The following ABCA4 variants were observed in gnomAD, a reference collection of about 807,000 sequenced individuals.
ABCA4 encodes the protein ATP binding cassette subfamily A member 4.
A neutral mutation model predicts 263.7 loss-of-function variants in ABCA4; 196 were observed. The ratio of observed to expected loss-of-function variants is 0.74; its 90% CI spans 0.66 to 0.84. The LOEUF is 0.84. Among genes scored for constraint, ABCA4 ranks in the 40% least tolerant of loss-of-function variants. The pLI is 0.00. For synonymous variants in ABCA4, 1,133 were observed against 1,094.2 expected (o/e 1.04, Z -0.70); for missense variants, 2,792 against 2,855.1 (o/e 0.98, Z 0.50).
At chr1:94,105,010 C>A (rs932154862) in intron 4 of ABCA4, among the ~76,000 whole-genome samples, 1 of 152,156 alleles carries the variant, frequency 6.6e-6, no homozygotes, top group Middle Eastern at 3.2e-3. Context: ...CGCACACATG[C>A]ACACGCACGC....
At chr1:94,020,560 C>T (rs1318271843) in intron 35 of ABCA4, among the ~76,000 whole-genome samples, 1 of 152,152 alleles carries the variant, frequency 6.6e-6, no homozygotes, top group Non-Finnish European at 1.5e-5. Context: ...CAGTCTAGGG[C>T]CCTAGGGTGT....
intron 1 of ABCA4, among the ~76,000 whole-genome samples, chr1:94,114,305 G>A (rs1234022259): frequency 6.6e-6 from 1 of 152,160 alleles, no homozygotes; most frequent in African/African-American, 2.4e-5. Flanking sequence ...TAAATTGATG[G>A]GGGAAAATGA....
In ABCA4 at chr1:94,046,455, C is replaced by CAAAAAAA. The variant is rs61333901; in HGVS notation, c.2918+457_2918+463dup. Among the ~76,000 whole-genome samples the CAAAAAAA allele has an allele frequency of 7.5e-3, 316 of 42,210 alleles. 9 individuals are homozygous for CAAAAAAA. Among genetic ancestry groups the CAAAAAAA allele is most frequent in the East Asian group, 0.01 (11 of 1,048 alleles). 27.7% of individuals were successfully genotyped at this position (42,210 alleles called of 152,430 possible). ...CCAGCATGGGTAATGGTTACTATCT[C>CAAAAAAA]AAAAAAAAAAAAAAAAAAAAAGAAA... is the stretch of plus-strand genomic sequence containing the variant. On this transcript the variant is annotated intron_variant, in intron 19 of 49. Coordinates refer to ENST00000370225, the MANE Select transcript of ABCA4 (RefSeq NM_000350.3).
chr1:94,043,564 C>A, intron 20 of ABCA4, 89 bp from the exon 21 acceptor site: 1 of 1,546,114 alleles, frequency 6.5e-7, no homozygotes, highest in South Asian at 1.2e-5. Context: ...GACAAGTATT[C>A]TTGATTTGGC....
chr1:94,025,103 A>G (rs1660003908), intron 30 of ABCA4, 55 bp from the exon 31 acceptor site: 1 of 1,468,056 alleles, frequency 6.8e-7, no homozygotes, highest in Non-Finnish European at 9.6e-7. Flanking sequence ...ACTTATAAGT[A>G]GTTTGTGAAA....
At chr1:94,103,455 CA>C (rs1557805721) in intron 4 of ABCA4, among the ~76,000 whole-genome samples, 4 of 152,282 alleles carry the variant, frequency 2.6e-5, no homozygotes, top group Middle Eastern at 6.8e-3. Flanking sequence ...GGAACTGAAA[CA>C]GGGGAATTTC....
Position 94,111,485 on chromosome 1 carries a change from G to T in ABCA4, c.255C>A (p.Pro85=), listed in dbSNP as rs369987407. The T allele has an allele frequency of 1.2e-5, 19 of 1,614,182 alleles. No homozygotes were observed. The highest frequency in any genetic ancestry group is 8.0e-5 in the African/African-American group (6 of 75,056). Residue 85 remains proline (P), a synonymous_variant, in exon 3 of 50, where the codon CCC becomes CCA. Coordinates refer to ENST00000370225, the MANE Select transcript of ABCA4 (RefSeq NM_000350.3). The part of the protein sequence containing the change: ...CNVNNPCFQS[P]TPGESPGIVS... Reference sequence around the variant, plus strand: ...CAATTCCAGGAGATTCTCCTGGGGTGGGGCTTTGAAAACAGGGATTGTTCA... The same window carrying T: ...CAATTCCAGGAGATTCTCCTGGGGTTGGGCTTTGAAAACAGGGATTGTTCA...
At chr1:94,021,211 G>A in intron 35 of ABCA4, 29 bp downstream of exon 35, 1 of 1,613,966 alleles carries the variant, frequency 6.2e-7, no homozygotes, top group Non-Finnish European at 8.5e-7. Context: ...TGACAAGAAA[G>A]TGGTGAGGCT....
At position 94,047,078 on chromosome 1, in the gene ABCA4, C is replaced by G. The variant is rs376526710; in HGVS notation, c.2759G>C (p.Arg920Pro). Reference protein sequence around the residue: ...PEGIHDSFFEREHPGWVPGVC... With the variant: ...PEGIHDSFFEPEHPGWVPGVC... ...CCCAGGAACCCACCCTGGATGCTCA[C>G]GTTCAAAGAAGGAGTCTTGGAGGAA... Residue 920 changes from arginine to proline, a missense_variant, in exon 19 of 50, where the codon CGT becomes CCT. Coordinates refer to ENST00000370225, the MANE Select transcript of ABCA4 (RefSeq NM_000350.3). 2 of 1,613,986 alleles carry G rather than the reference C, an allele frequency of 1.2e-6. No individual in the cohort carries two copies. Among genetic ancestry groups the G allele is most frequent in the Non-Finnish European group, 1.7e-6 (2 of 1,180,054 alleles).
chr1:94,100,399 C>T (rs535319995), intron 5 of ABCA4, among the ~76,000 whole-genome samples: 2 of 152,274 alleles, frequency 1.3e-5, no homozygotes, highest in South Asian at 4.1e-4. Flanking sequence ...TTCCATTTTA[C>T]AAATGAGGAA....
chr1:94,016,964 T>C (rs1427693245), intron 36 of ABCA4, among the ~76,000 whole-genome samples: 11 of 152,036 alleles, frequency 7.2e-5, no homozygotes, highest in East Asian at 1.9e-4. Context: ...TCCAGGGGCA[T>C]GAGGACCCAA....
chr1:94,101,333 C>G (rs1457901700), intron 5 of ABCA4, among the ~76,000 whole-genome samples: 1 of 152,222 alleles, frequency 6.6e-6, no homozygotes, highest in African/African-American at 2.4e-5. Flanking sequence ...ACAGCACCCC[C>G]TCTGTGGGGG....
rs558191157 is a variant in ABCA4, at chr1:94,049,216, A to T, written c.2654-259T>A. Reference sequence around the variant, plus strand: ...CCACAGTTTCAGAAACTGTGATTTTAAAAAAATTAAGAAAACCAGGTTTGA... The same window carrying T: ...CCACAGTTTCAGAAACTGTGATTTTTAAAAAATTAAGAAAACCAGGTTTGA... On this transcript the variant is annotated intron_variant, in intron 17 of 49. Coordinates refer to ENST00000370225, the MANE Select transcript of ABCA4 (RefSeq NM_000350.3). 2.3e-4 allele frequency among the ~76,000 whole-genome samples: 35 copies of T among 152,294 alleles called. No individual in the cohort carries two copies. The South Asian group carries it at 6.4e-3, about 28-fold the overall frequency.
At chr1:94,090,625 T>C (rs1006901945) in intron 6 of ABCA4, among the ~76,000 whole-genome samples, 1 of 152,220 alleles carries the variant, frequency 6.6e-6, no homozygotes, top group Non-Finnish European at 1.5e-5. Context: ...GCTATTCCTG[T>C]CTTTCTCAGT....
intron 39 of ABCA4, 104 bp from the exon 40 acceptor site, chr1:94,011,033 G>A: frequency 3.7e-6 from 6 of 1,600,152 alleles, no homozygotes; most frequent in Non-Finnish European, 5.1e-6. Context: ...TGGGAACTGA[G>A]CAAGAGCCAA....
chr1:94,039,680 A>G (rs372791967), intron 24 of ABCA4, among the ~76,000 whole-genome samples: 77 of 152,270 alleles, frequency 5.1e-4, no homozygotes, highest in African/African-American at 1.8e-3. Flanking sequence ...GTGCATCACC[A>G]TGCTTCCACT....
chr1:94,062,646 T>C lies in ABCA4; in HGVS notation c.1868A>G (p.Gln623Arg), dbSNP rs1233316727. The C allele has an allele frequency of 2.5e-6, 4 of 1,614,190 alleles. No homozygotes were observed. Among genetic ancestry groups the C allele is most frequent in the Non-Finnish European group, 3.4e-6 (4 of 1,180,034 alleles). The change falls in exon 13 of 50, where the codon CAG becomes CGG. Residue 623 changes from glutamine (Q) to arginine (R), a missense_variant. Gln to Arg is a conservative substitution (Grantham distance 43). Transcript: ENST00000370225. ...TCCAACTGGAGCCTCCGCCTGCACC[T>C]GGCTCCTTGTGATCCCCTGTTCAAC... ...DMVEQGITRSQVQAEAPVGIY... is the reference protein window; with the variant it reads ...DMVEQGITRSRVQAEAPVGIY...
At chr1:94,004,771 T>A (rs1659325108) in intron 44 of ABCA4, among the ~76,000 whole-genome samples, 1 of 152,234 alleles carries the variant, frequency 6.6e-6, no homozygotes, top group Non-Finnish European at 1.5e-5. Flanking sequence ...CTCCCATTTT[T>A]CTTTCTTCCC....
At chr1:94,086,677 C>A (rs1025898100) in intron 6 of ABCA4, among the ~76,000 whole-genome samples, 4 of 152,138 alleles carry the variant, frequency 2.6e-5, no homozygotes, top group Non-Finnish European at 5.9e-5. Flanking sequence ...CATATCCTTC[C>A]AGAAGCACGA....
Sources: allele counts gnomAD v4.1 joint callset (sites outside exome capture counted in the v4.1 genomes callset), GRCh38; gene constraint gnomAD v4.1.1; transcripts MANE v1.5; gene names NCBI Gene and HGNC (gene_info 2026-07-23, HGNC 2026-07-21).